Variants in LIG4 observed in about 807,000 individuals in gnomAD.
The protein encoded by LIG4 is DNA ligase 4.
A neutral mutation model predicts 19.0 loss-of-function variants in LIG4; 13 were observed. The ratio of observed to expected loss-of-function variants is 0.68; its 90% CI spans 0.44 to 1.09. LIG4 has a LOEUF of 1.09. Ranked by LOEUF, LIG4 falls within the 50% of genes least tolerant of loss-of-function variation. The pLI is 0.00. For missense variants in LIG4, 1,026 were observed against 1,089.7 expected, an observed-to-expected ratio of 0.94 and a Z score of 0.82; for synonymous variants, 361 against 358.2, an observed-to-expected ratio of 1.01 and a Z score of -0.09.
In LIG4 at chr13:108,208,315, C is replaced by A. The variant is rs983583039; in HGVS notation, c.*218G>T. 2.2e-6 allele frequency: 1 copy of A among 460,774 alleles called. No homozygotes were observed. The highest frequency in any genetic ancestry group is 3.9e-6 in the Non-Finnish European group (1 of 259,156). The allele number at this position is 460,774 out of a possible 1,614,324, so 28.5% of individuals were successfully genotyped here. ...TTATTTCACCTTGATCATAAAAAAT[C>A]ATTGAATACTACATTCAAGATAATT... On this transcript the variant is annotated 3_prime_UTR_variant, in exon 3 of 3. Coordinates refer to ENST00000442234, the MANE Select transcript of LIG4 (RefSeq NM_206937.2).
At chr13:108,211,416 A>G (rs1262644939) in intron 2 of LIG4, 120 bp from the exon 3 acceptor site, 3 of 697,110 alleles carry the variant, frequency 4.3e-6, no homozygotes, top group Non-Finnish European at 7.4e-6. Flanking sequence ...TTTACTAAAA[A>G]AAAGATCAAT....
chr13:108,209,701 G>C lies in LIG4; in HGVS notation c.1568C>G (p.Ala523Gly), dbSNP rs781102255. ...KELYDLGLKL[A>G]KYWKPFHRKA... ...TCTATGAAAAGGCTTCCAATACTTG[G>C]CCAATTTCAAACCCAGATCATACAG... The change falls in exon 3 of 3, where the codon GCC becomes GGC. Residue 523 changes from alanine (A) to glycine (G), a missense_variant. Ala to Gly is a moderately conservative substitution (Grantham distance 60, BLOSUM62 0). Transcript: ENST00000442234. The C allele has an allele frequency of 1.3e-5, 21 of 1,613,880 alleles. No individual in the cohort carries two copies. In the South Asian group the frequency reaches 2.3e-4, roughly 18 times the overall value.
upstream of LIG4, among the ~76,000 whole-genome samples, chr13:108,216,723 C>A (rs1879313006): frequency 6.6e-6 from 1 of 152,134 alleles, no homozygotes; most frequent in African/African-American, 2.4e-5. Context: ...GGAGAGGGTA[C>A]CTATCCGTGT....
chr13:108,218,090 G>A (rs1359599290), upstream of LIG4: 1 of 152,258 alleles, frequency 6.6e-6, no homozygotes, highest in African/African-American at 2.4e-5. Flanking sequence ...AGTTATGGAA[G>A]CGCTTTAAAT....
intron 2 of LIG4, among the ~76,000 whole-genome samples, chr13:108,212,722 T>C (rs1313594088): frequency 6.6e-6 from 1 of 151,216 alleles, no homozygotes; most frequent in Non-Finnish European, 1.5e-5. Context: ...CATTATCTAG[T>C]ATCCAGTAAA....
Position 108,209,810 on chromosome 13 carries a change from C to A in LIG4, c.1459G>T (p.Val487Leu). ...TCACCAGGAGGGGGCTTCTCTGCTACTGCACACAGAAAATGAGACATCATT... is the reference window on the plus strand; with the variant it reads ...TCACCAGGAGGGGGCTTCTCTGCTAATGCACACAGAAAATGAGACATCATT... ...GGMMSHFLCA[V>L]AEKPPPGEKP... The change falls in exon 3 of 3, where the codon GTA (valine) becomes TTA (leucine). Residue 487 changes from valine (V) to leucine (L), a missense_variant. Val to Leu is a conservative substitution (Grantham distance 32). This residue lies in a region of LIG4 where 12 missense variants were observed against 29.6 expected (regional missense o/e 0.40). Coordinates refer to ENST00000442234, the MANE Select transcript of LIG4 (RefSeq NM_206937.2). 4 of 1,614,150 alleles carry A rather than the reference C, an allele frequency of 2.5e-6. No homozygotes were observed. Among genetic ancestry groups the A allele is most frequent in the Non-Finnish European group, 2.5e-6 (3 of 1,180,022 alleles).
chr13:108,208,858 G>A lies in LIG4; in HGVS notation c.2411C>T (p.Ser804Phe). Residue 804 changes from serine (S) to phenylalanine (F), a missense_variant, in exon 3 of 3, where the codon TCC (serine) becomes TTC (phenylalanine). By Grantham distance (155) the Ser-to-Phe change is radical. This residue lies in a region of LIG4 where 521 missense variants were observed against 515.5 expected (regional missense o/e 1.01). Transcript: ENST00000442234. ...SLIADLEYRY[S>F]WDCSPLSMFR... ...CATACTGAGAGGAGAGCAATCCCAG[G>A]AATACCGATATTCTAAATCAGCAAT... is the stretch of plus-strand genomic sequence containing the variant. The A allele has an allele frequency of 6.2e-7, 1 of 1,614,094 alleles. No homozygotes were observed. Among genetic ancestry groups the A allele is most frequent in the Non-Finnish European group, 8.5e-7 (1 of 1,180,014 alleles).
chr13:108,212,280 G>A (rs531201896), intron 2 of LIG4, among the ~76,000 whole-genome samples: 74 of 151,804 alleles, frequency 4.9e-4, no homozygotes, highest in African/African-American at 1.7e-3. Context: ...TAAAACAAAC[G>A]TAAAATGTCC....
rs1180498650 is a variant in LIG4, at chr13:108,209,988, C to T, written c.1281G>A (p.Glu427=). 6.2e-7 allele frequency: 1 copy of T among 1,612,680 alleles called. No homozygotes were observed. The highest frequency in any genetic ancestry group is 8.5e-7 in the Non-Finnish European group (1 of 1,179,968). Residue 427 remains glutamate (E), a synonymous_variant, in exon 3 of 3, where the codon GAG becomes GAA. Coordinates refer to ENST00000442234, the MANE Select transcript of LIG4 (RefSeq NM_206937.2). ...ATAGAGGTTGTTTTACCATAATTCCCTCTTCTCTTTTATCTATTGCTTCAT... is the reference window on the plus strand; with the variant it reads ...ATAGAGGTTGTTTTACCATAATTCCTTCTTCTCTTTTATCTATTGCTTCAT... ...ALNEAIDKRE[E]GIMVKQPLSI...
upstream of LIG4, among the ~76,000 whole-genome samples, chr13:108,217,951 T>C (rs1879395667): frequency 6.6e-6 from 1 of 152,046 alleles, no homozygotes; most frequent in African/African-American, 2.4e-5. Context: ...TCGGTAAAAT[T>C]TGCAAAAATA....
chr13:108,218,194 G>C (rs955781063), upstream of LIG4: 1 of 152,248 alleles, frequency 6.6e-6, no homozygotes, highest in Non-Finnish European at 1.5e-5. Flanking sequence ...GGACTCCCGA[G>C]CTCATCGGGT....
intron 2 of LIG4, among the ~76,000 whole-genome samples, 198 bp downstream of exon 2, chr13:108,214,340 G>A (rs574790621): frequency 2.8e-4 from 43 of 152,100 alleles, no homozygotes; most frequent in Non-Finnish European, 5.7e-4. Flanking sequence ...ACGCTAGAAG[G>A]GCTTTGGGAT....
In LIG4 at chr13:108,208,459, T is replaced by C; in HGVS notation, c.*74A>G. On this transcript the variant is annotated 3_prime_UTR_variant, in exon 3 of 3. Transcript: ENST00000442234. ...TTAAGATACAAAAATAAAATGTAGT[T>C]TAGTATTTTATCATTACCACCTGCT... 1.2e-6 allele frequency: 1 copy of C among 865,182 alleles called. No homozygotes were observed. Among genetic ancestry groups the C allele is most frequent in the South Asian group, 1.5e-5 (1 of 65,912 alleles). The allele number at this position is 865,182 out of a possible 1,614,324, so 53.6% of individuals were successfully genotyped here.
rs753025101 is a variant in LIG4, at chr13:108,210,158, T to C, written c.1111A>G (p.Met371Val). 1 of 1,613,818 alleles carries C rather than the reference T, an allele frequency of 6.2e-7. No individual in the cohort carries two copies. Among genetic ancestry groups the C allele is most frequent in the Non-Finnish European group, 8.5e-7 (1 of 1,179,952 alleles). ...TGCCCTAGCTTTTTATTATTAACCA[T>C]CAATACATCAAAAACACAATAACAA... ...QTCYCVFDVLMVNNKKLGHET... is the reference protein window; with the variant it reads ...QTCYCVFDVLVVNNKKLGHET... The change falls in exon 3 of 3, where the codon ATG becomes GTG. Residue 371 changes from methionine (M) to valine (V), a missense_variant. Around this residue, in one of 3 missense-constraint regions of LIG4, gnomAD observed 493 missense variants for 544.5 expected, o/e 0.91. Transcript: ENST00000442234.
At position 108,207,737 on chromosome 13, in the gene LIG4, T is replaced by C. The variant is rs1047604927; in HGVS notation, c.*796A>G. 5.9e-5 allele frequency: 9 copies of C among 152,328 alleles called. No individual in the cohort carries two copies. The highest frequency in any genetic ancestry group is 1.9e-4 in the African/African-American group (8 of 41,590). The allele number at this position is 152,328 out of a possible 1,614,324, so 9.4% of individuals were successfully genotyped here. On this transcript the variant is annotated 3_prime_UTR_variant, in exon 3 of 3. Coordinates refer to ENST00000442234, the MANE Select transcript of LIG4 (RefSeq NM_206937.2). ...TGAAAGTTACAATATGCATGCCATA[T>C]TGACACCTATTCAATAGATAAAATC... is the stretch of plus-strand genomic sequence containing the variant.
chr13:108,215,875 G>C (rs1879264377), upstream of LIG4, among the ~76,000 whole-genome samples: 1 of 152,092 alleles, frequency 6.6e-6, no homozygotes, highest in Non-Finnish European at 1.5e-5. Context: ...TACTGATTTC[G>C]CTGGTTGTGA....
rs148223505 is a variant in LIG4, at chr13:108,208,914, G to A, written c.2355C>T (p.Asn785=). Residue 785 remains asparagine, a synonymous_variant, in exon 3 of 3, where the codon AAC becomes AAT. Coordinates refer to ENST00000442234, the MANE Select transcript of LIG4 (RefSeq NM_206937.2). Reference sequence around the variant, plus strand: ...AAGCCATTTCTTCAGGAGTCTGCTCGTTAGAATTTTTAATTCCTGAGAATA... The same window carrying A: ...AAGCCATTTCTTCAGGAGTCTGCTCATTAGAATTTTTAATTCCTGAGAATA... ...KEVFSGIKNS[N]EQTPEEMASL... is the part of the protein sequence containing the mutation. 1.2e-5 allele frequency: 19 copies of A among 1,614,094 alleles called. No homozygotes were observed. The highest frequency in any genetic ancestry group is 1.6e-4 in the Middle Eastern group (1 of 6,062).
chr13:108,213,585 T>G (rs1878892903), intron 2 of LIG4, among the ~76,000 whole-genome samples: 1 of 152,314 alleles, frequency 6.6e-6, no homozygotes, highest in Non-Finnish European at 1.5e-5. Flanking sequence ...AGATTAGGAC[T>G]TCCATTCATT....
At chr13:108,216,614 A>T (rs1020101608), upstream of LIG4, among the ~76,000 whole-genome samples, 1 of 152,220 alleles carries the variant, frequency 6.6e-6, no homozygotes, top group Non-Finnish European at 1.5e-5. Context: ...GTCTCATGAT[A>T]TTGTTTTGTG....
Sources: gnomAD v4.1 joint callset for allele counts (sites outside exome capture counted in the v4.1 genomes callset) on GRCh38, gnomAD v4.1.1 for gene constraint, gnomAD v4.1.1 regional missense constraint, MANE v1.5 for transcripts, NCBI Gene and HGNC (gene_info 2026-07-23, HGNC 2026-07-21) for gene names.